The following HMCN2 variants were observed in gnomAD, a reference collection of about 807,000 sequenced individuals.
The protein encoded by HMCN2 is hemicentin-2.
A neutral mutation model predicts 377.5 loss-of-function variants in HMCN2; 325 were observed. The observed-to-expected ratio is 0.86, with a 90% CI of 0.79 to 0.94. HMCN2 has a LOEUF of 0.94. HMCN2 is among the 40% of genes least tolerant of loss of function. The pLI is 0.00. For synonymous variants in HMCN2, 2,007 were observed against 2,046.8 expected (o/e 0.98, Z 0.53); for missense variants, 4,543 against 4,725.3 (o/e 0.96, Z 1.13).
At position 130,365,740 on chromosome 9, in the gene HMCN2, C is replaced by T; in HGVS notation, c.6505+13C>T. On this transcript the variant is annotated intron_variant, in intron 42 of 97. Coordinates refer to ENST00000683500, the MANE Select transcript of HMCN2 (RefSeq NM_001291815.2). ...CTGAACGTCTGGGGTGAGGGTCTCC[C>T]AGGCTGGGCAGGGGGAGGGGGCTGC... The T allele has an allele frequency of 1.0e-6, 1 of 984,972 alleles. No homozygotes were observed. The highest frequency in any genetic ancestry group is 4.7e-5 in the South Asian group (1 of 21,258). The allele number at this position is 984,972 out of a possible 1,614,324, so 61.0% of individuals were successfully genotyped here. A position where few individuals can be genotyped will look rare whatever the true frequency, so the allele number is the denominator to read the frequency against.
intron 36 of HMCN2, 73 bp downstream of exon 36, chr9:130,358,559 G>T: frequency 7.8e-7 from 1 of 1,283,200 alleles, no homozygotes. Flanking sequence ...TGGGGCTGAA[G>T]TGTGTGGCGA....
Position 130,375,694 on chromosome 9 carries a change from G to T in HMCN2, c.7762G>T (p.Gly2588Trp). The stretch of plus-strand genomic sequence containing the variant: ...CCCCAACATCACCTGGATGAAGGAC[G>T]GGGCCCCGTTTGAGGCCTCCAGGAA... ...PSPNITWMKD[G>W]APFEASRNIQ... is the part of the protein sequence containing the mutation. The change falls in exon 50 of 98, where the codon GGG (glycine) becomes TGG (tryptophan). Residue 2588 changes from glycine (G) to tryptophan (W), a missense_variant. Coordinates refer to ENST00000683500, the MANE Select transcript of HMCN2 (RefSeq NM_001291815.2). 1 of 985,920 alleles carries T rather than the reference G, an allele frequency of 1.0e-6. No homozygotes were observed. Among genetic ancestry groups the T allele is most frequent in the Non-Finnish European group, 1.2e-6 (1 of 829,994 alleles). 61.1% of individuals were successfully genotyped at this position (985,920 alleles called of 1,614,324 possible). A position where few individuals can be genotyped will look rare whatever the true frequency, so the allele number is the denominator to read the frequency against.
chr9:130,281,642 G>A (rs895020936), intron 1 of HMCN2, among the ~76,000 whole-genome samples: 1 of 149,838 alleles, frequency 6.7e-6, no homozygotes, highest in Non-Finnish European at 1.5e-5. Context: ...TGCTGTAATC[G>A]CAGCACTTTG....
rs902890706 is a variant in HMCN2, at chr9:130,422,889, A to T, written c.13381+163A>T. On this transcript the variant is annotated intron_variant, in intron 87 of 97. Transcript: ENST00000683500. The surrounding 1 kb of genome is among the most constrained non-coding windows in gnomAD (Gnocchi z 4.2). ...TGACCATCTCTCAAAGCTGAGTGCA[A>T]TCCAAAGTGGACTCAGATGCAGGCA... Among the ~76,000 whole-genome samples the T allele has an allele frequency of 6.6e-6, 1 of 152,186 alleles. No individual in the cohort carries two copies. Among genetic ancestry groups the T allele is most frequent in the African/African-American group, 2.4e-5 (1 of 41,448 alleles).
chr9:130,410,497 TC>T, intron 84 of HMCN2, 73 bp from the exon 85 acceptor site: 1 of 1,400,036 alleles, frequency 7.1e-7, no homozygotes, highest in Non-Finnish European at 9.9e-7. Flanking sequence ...CTGCCCTCAG[TC>T]CCCTACCCAA....
chr9:130,277,988 C>T lies in HMCN2; in HGVS notation c.260-6615C>T, dbSNP rs1418571709. On this transcript the variant is annotated intron_variant, in intron 1 of 97. Coordinates refer to ENST00000683500, the MANE Select transcript of HMCN2 (RefSeq NM_001291815.2). Reference sequence around the variant, plus strand: ...ACCACCATCATCATCACCACCACCACGATCATCACCACCACCACCATCATC... The same window carrying T: ...ACCACCATCATCATCACCACCACCATGATCATCACCACCACCACCATCATC... 1.6e-4 allele frequency among the ~76,000 whole-genome samples: 10 copies of T among 63,624 alleles called. 1 individual carries two copies. Among genetic ancestry groups the T allele is most frequent in the Non-Finnish European group, 2.3e-4 (8 of 35,422 alleles). The allele number at this position is 63,624 out of a possible 152,430, so 41.7% of individuals were successfully genotyped here.
At chr9:130,353,565 A>G (rs914398421) in intron 31 of HMCN2, among the ~76,000 whole-genome samples, 6 of 152,224 alleles carry the variant, frequency 3.9e-5, no homozygotes, top group Non-Finnish European at 8.8e-5. Flanking sequence ...AAGCTAGACC[A>G]GAGGGGCACT....
chr9:130,281,948 C>G (rs561569184), intron 1 of HMCN2, among the ~76,000 whole-genome samples: 2 of 151,302 alleles, frequency 1.3e-5, no homozygotes, highest in African/African-American at 2.4e-5. Flanking sequence ...ATTTAGTGAG[C>G]TGATACACAG....
chr9:130,325,052 C>A (rs1838055102), intron 19 of HMCN2, among the ~76,000 whole-genome samples: 1 of 151,878 alleles, frequency 6.6e-6, no homozygotes, highest in African/African-American at 2.4e-5. Flanking sequence ...CCCAACCTGG[C>A]AACCACTGAT....
chr9:130,424,911 C>T lies in HMCN2; in HGVS notation c.13517C>T (p.Thr4506Ile). ...CAGGAGTCACACGTGGAGTTTGCTA[C>T]AGGTAAACAGGGCCTCCCCCAGGTG... is the stretch of plus-strand genomic sequence containing the variant. ...FRQESHVEFA[T>I]GELLTMTQVA... The change falls in exon 88 of 98, where the codon ACA becomes ATA. Residue 4506 changes from threonine to isoleucine, a missense_variant and splice_region_variant. Thr to Ile is a moderately conservative substitution (Grantham distance 89). Coordinates refer to ENST00000683500, the MANE Select transcript of HMCN2 (RefSeq NM_001291815.2). 3 of 1,460,174 alleles carry T rather than the reference C, an allele frequency of 2.1e-6. No homozygotes were observed. Among genetic ancestry groups the T allele is most frequent in the Non-Finnish European group, 2.7e-6 (3 of 1,100,476 alleles). The allele number at this position is 1,460,174 out of a possible 1,614,324, so 90.5% of individuals were successfully genotyped here.
At position 130,400,800 on chromosome 9, in the gene HMCN2, G is replaced by A. The variant is rs1041779478; in HGVS notation, c.11623G>A (p.Asp3875Asn). 7 of 1,287,172 alleles carry A rather than the reference G, an allele frequency of 5.4e-6. No individual in the cohort carries two copies. In the African/African-American group the frequency reaches 6.1e-5, roughly 11 times the overall value. 79.7% of individuals were successfully genotyped at this position (1,287,172 alleles called of 1,614,324 possible). The change falls in exon 77 of 98, where the codon GAT becomes AAT. Residue 3875 changes from aspartate to asparagine, a missense_variant. Physicochemically the swap from Asp to Asn is conservative, Grantham distance 23. This residue lies in a region of HMCN2 where 1,073 missense variants were observed against 1,319.5 expected (regional missense o/e 0.81). Coordinates refer to ENST00000683500, the MANE Select transcript of HMCN2 (RefSeq NM_001291815.2). ...VTVHVPPTIA[D>N]DQTDFTVTMM... ...GGTTTTAGTGCCTCCCACCATTGCCGATGACCAGACAGACTTCACCGTGAC... is the reference window on the plus strand; with the variant it reads ...GGTTTTAGTGCCTCCCACCATTGCCAATGACCAGACAGACTTCACCGTGAC...
At chr9:130,424,442 T>C (rs1844210000) in intron 87 of HMCN2, among the ~76,000 whole-genome samples, 1 of 151,906 alleles carries the variant, frequency 6.6e-6, no homozygotes, top group Non-Finnish European at 1.5e-5. Context: ...TGCCTCGGCC[T>C]CCCAAAGTGC....
Position 130,351,420 on chromosome 9 carries a change from C to T in HMCN2, c.4431-3C>T, listed in dbSNP as rs1189357465. On this transcript the variant is annotated splice_polypyrimidine_tract_variant and splice_region_variant and intron_variant, in intron 29 of 97. Transcript: ENST00000683500. The surrounding 1 kb of genome is among the most constrained non-coding windows in gnomAD (Gnocchi z 5.4). Reference sequence around the variant, plus strand: ...GGCGCTTTTCCCTTGCCCGTCTCTCCAGGCCTGTCCTTCCGGGAGGCCCTC... The same window carrying T: ...GGCGCTTTTCCCTTGCCCGTCTCTCTAGGCCTGTCCTTCCGGGAGGCCCTC... The T allele has an allele frequency of 7.7e-7, 1 of 1,303,610 alleles. No homozygotes were observed. Among genetic ancestry groups the T allele is most frequent in the East Asian group, 5.5e-5 (1 of 18,030 alleles). The allele number at this position is 1,303,610 out of a possible 1,614,324, so 80.8% of individuals were successfully genotyped here.
In HMCN2 at chr9:130,428,256, G is replaced by T; in HGVS notation, c.14066-102G>T. On this transcript the variant is annotated intron_variant, in intron 92 of 97. Coordinates refer to ENST00000683500, the MANE Select transcript of HMCN2 (RefSeq NM_001291815.2). This position sits in a 1 kb window ranked among gnomAD's most constrained non-coding sequence, Gnocchi z 5.0. ...GGACCTTCCTGCCAGTGGCTCCTGG[G>T]CCTGCGGACGAAGCCTCTGTGGATA... is the stretch of plus-strand genomic sequence containing the variant. 7.4e-7 allele frequency: 1 copy of T among 1,355,742 alleles called. No homozygotes were observed. The highest frequency in any genetic ancestry group is 9.8e-7 in the Non-Finnish European group (1 of 1,025,530). The allele number at this position is 1,355,742 out of a possible 1,614,324, so 84.0% of individuals were successfully genotyped here.
At chr9:130,270,581 A>G (rs868941182) in intron 1 of HMCN2, among the ~76,000 whole-genome samples, 1 of 148,934 alleles carries the variant, frequency 6.7e-6, no homozygotes, top group African/African-American at 2.4e-5. Context: ...AGAAAACAAC[A>G]ACAACAAAAA....
At chr9:130,298,161 C>A (rs971224928) in intron 7 of HMCN2, among the ~76,000 whole-genome samples, 1 of 152,270 alleles carries the variant, frequency 6.6e-6, no homozygotes, top group African/African-American at 2.4e-5. Context: ...GCCATGTTGG[C>A]CAGTTTGGTC....
chr9:130,392,720 G>A (rs1048411209), intron 66 of HMCN2, among the ~76,000 whole-genome samples: 1 of 150,202 alleles, frequency 6.7e-6, no homozygotes, highest in Non-Finnish European at 1.5e-5. Context: ...TAAGCAGGCC[G>A]GGTGCGGTGG....
In HMCN2 at chr9:130,407,530, G is replaced by T. The variant is rs768413132; in HGVS notation, c.12554-41G>T. On this transcript the variant is annotated intron_variant, in intron 82 of 97. Coordinates refer to ENST00000683500, the MANE Select transcript of HMCN2 (RefSeq NM_001291815.2). ...CCCAGGCACCAGGGAAGTGTTTAGG[G>T]CAGGAGTTCCCTGCACCCGACTTCT... The T allele has an allele frequency of 4.7e-6, 6 of 1,286,442 alleles. No homozygotes were observed. The South Asian group carries it at 7.4e-5, about 16-fold the overall frequency. 79.7% of individuals were successfully genotyped at this position (1,286,442 alleles called of 1,614,324 possible). A position where few individuals can be genotyped will look rare whatever the true frequency, so the allele number is the denominator to read the frequency against.
At chr9:130,339,223 A>G (rs894045899) in intron 23 of HMCN2, among the ~76,000 whole-genome samples, 2 of 152,190 alleles carry the variant, frequency 1.3e-5, no homozygotes, top group South Asian at 4.1e-4. Flanking sequence ...GTTTATAAAT[A>G]CAAGTTTTAT....
Sources: gnomAD v4.1 joint callset for allele counts (sites outside exome capture counted in the v4.1 genomes callset) on GRCh38, gnomAD v4.1.1 for gene constraint, gnomAD v4.1.1 regional missense constraint, Gnocchi (gnomAD v3.1) non-coding constraint, MANE v1.5 for transcripts, NCBI Gene and HGNC (gene_info 2026-07-23, HGNC 2026-07-21) for gene names.